TRIM49: variants seen among roughly 807,000 people sequenced by gnomAD.
The protein encoded by TRIM49 is tripartite motif containing 49.
In TRIM49, 5 loss-of-function variants were observed where a neutral mutation model predicts 27.4. The observed-to-expected ratio is 0.18, with a 90% confidence interval of 0.10 to 0.38. TRIM49 has a LOEUF of 0.38. Among genes scored for constraint, TRIM49 ranks in the 10% least tolerant of loss-of-function variants. The probability of loss-of-function intolerance (pLI) is 1.00; values close to 1 mark genes in which losing one functional copy is unlikely to be tolerated. For missense variants in TRIM49, 188 were observed against 487.5 expected (o/e 0.39, Z 5.79); for synonymous variants, 69 against 166.0 (o/e 0.42, Z 4.49).
chr11:89,806,637 T>C (rs374874501), intron 2 of TRIM49, among the ~76,000 whole-genome samples: 11,884 of 147,928 alleles, frequency 0.08, 494 homozygotes, highest in South Asian at 0.2. Context: ...GTAGGATATT[T>C]TGGGGAGCTT....
At chr11:89,783,947 G>A in the TRIM49 span, among the ~76,000 whole-genome samples, 1 of 143,828 alleles carries the variant, frequency 7.0e-6, no homozygotes, top group Non-Finnish European at 1.5e-5. Flanking sequence ...CCATGCAGCA[G>A]GAAAGCCGGG....
the TRIM49 span, chr11:89,768,795 T>C: frequency 3.8e-4 from 192 of 505,814 alleles, 16 homozygotes; most frequent in South Asian, 8.4e-4. Flanking sequence ...CCAGCTTGCA[T>C]TGATGGCCAT....
chr11:89,805,713 G>GGT (rs1565447802), intron 2 of TRIM49, among the ~76,000 whole-genome samples: 1 of 130,036 alleles, frequency 7.7e-6, no homozygotes. Context: ...GGTGTTTTTA[G>GGT]TTTTTTTTTG....
chr11:89,768,998 G>A, the TRIM49 span, among the ~76,000 whole-genome samples: 33 of 135,552 alleles, frequency 2.4e-4, 2 homozygotes, highest in African/African-American at 1.1e-3. Context: ...GGACAACATG[G>A]CAAATCCCCA....
chr11:89,783,688 A>C, the TRIM49 span, among the ~76,000 whole-genome samples: 1 of 145,994 alleles, frequency 6.8e-6, no homozygotes, highest in East Asian at 2.0e-4. Context: ...AAAGAACAAA[A>C]TTAGTTTACA....
At chr11:89,776,911 T>C in the TRIM49 span, 68 of 1,498,382 alleles carry the variant, frequency 4.5e-5, 1 homozygote, top group Admixed American at 9.6e-5. Flanking sequence ...GGCCTTTTTT[T>C]CCTTTTCATC....
At chr11:89,800,841 C>A (rs1450719690) in intron 6 of TRIM49, 125 bp downstream of exon 6, 16 of 588,042 alleles carry the variant, frequency 2.7e-5, no homozygotes, top group Non-Finnish European at 3.0e-5. Flanking sequence ...GGTGTGGGAA[C>A]GAAAGTAGAT....
At chr11:89,806,654 TG>T (rs1949791688) in intron 2 of TRIM49, among the ~76,000 whole-genome samples, 1 of 147,904 alleles carries the variant, frequency 6.8e-6, no homozygotes, top group African/African-American at 2.5e-5. Flanking sequence ...GCTTTCTCAT[TG>T]TTTTAGTTTC....
intron 6 of TRIM49, among the ~76,000 whole-genome samples, chr11:89,800,361 C>A (rs1415857255): frequency 6.6e-6 from 1 of 151,602 alleles, no homozygotes; most frequent in African/African-American, 2.4e-5. Context: ...AAAATACTTC[C>A]TCCTCTTCTC....
chr11:89,802,580 CACAT>C (rs199832331), intron 4 of TRIM49, among the ~76,000 whole-genome samples: 27,736 of 146,288 alleles, frequency 0.19, 1,824 homozygotes, highest in East Asian at 0.38. Context: ...CAAACACACA[CACAT>C]ACATACATAC....
chr11:89,766,722 C>G, the TRIM49 span: 1 of 1,534,072 alleles, frequency 6.5e-7, no homozygotes, highest in Non-Finnish European at 8.8e-7. Context: ...AAGAAACACA[C>G]CAACTCGGCC....
At chr11:89,774,392 T>A in the TRIM49 span, among the ~76,000 whole-genome samples, 1 of 151,024 alleles carries the variant, frequency 6.6e-6, no homozygotes, top group Non-Finnish European at 1.5e-5. Context: ...AGCCCTCAAG[T>A]CTGGTTTTCA....
At chr11:89,773,558 T>C in the TRIM49 span, among the ~76,000 whole-genome samples, 1 of 129,776 alleles carries the variant, frequency 7.7e-6, no homozygotes, top group Non-Finnish European at 1.6e-5. Flanking sequence ...TCCCAGTTAA[T>C]GTTTTATCTT....
the TRIM49 span, among the ~76,000 whole-genome samples, chr11:89,790,554 CT>C: frequency 6.6e-6 from 1 of 152,110 alleles, no homozygotes; most frequent in East Asian, 1.9e-4. Context: ...GACGAAGCTT[CT>C]AGAGGAACGA....
chr11:89,782,124 AT>A, the TRIM49 span: 1 of 1,551,246 alleles, frequency 6.4e-7, no homozygotes, highest in South Asian at 1.2e-5. Flanking sequence ...GCAGATACCA[AT>A]ATCGTTATTG....
the TRIM49 span, among the ~76,000 whole-genome samples, chr11:89,783,128 AT>A: frequency 1.4e-5 from 2 of 139,626 alleles, 1 homozygote; most frequent in East Asian, 4.5e-4. Context: ...TTGCTCTGCT[AT>A]TACATCTTCT....
At chr11:89,803,346 GT>G (rs1193449012) in intron 4 of TRIM49, among the ~76,000 whole-genome samples, 1 of 143,490 alleles carries the variant, frequency 7.0e-6, no homozygotes. Flanking sequence ...AGAAGTTTCA[GT>G]TGAGCATTCC....
rs1291125570 is a variant in TRIM49, at chr11:89,798,429, C to A, written c.1060G>T (p.Ala354Ser). 7 of 1,602,522 alleles carry A rather than the reference C, an allele frequency of 4.4e-6. No individual in the cohort carries two copies. Among genetic ancestry groups the A allele is most frequent in the African/African-American group, 1.4e-5 (1 of 69,438 alleles). ...EVHVGDSWNW[A>S]FGVCNMYRKE... ...CGATACATATTACAGACACCAAAAG[C>A]CCAATTCCAGGAGTCCCCTACATGG... The change falls in exon 8 of 8, where the codon GCT becomes TCT. Residue 354 changes from alanine to serine, a missense_variant. Ala to Ser is a moderately conservative substitution (Grantham distance 99). Transcript: ENST00000329758.
At position 89,802,405 on chromosome 11, in the gene TRIM49, T is replaced by G. The variant is rs1178674926; in HGVS notation, c.508-473A>C. Among the ~76,000 whole-genome samples, 1,090 of 148,096 alleles carry G rather than the reference T, an allele frequency of 7.4e-3. 11 individuals are homozygous for G. Among genetic ancestry groups the G allele is most frequent in the African/African-American group, 0.026 (998 of 38,164 alleles). On this transcript the variant is annotated intron_variant, in intron 4 of 7. Transcript: ENST00000329758. ...ATCCTAATAAGGCTGCATTTATGATTTGGCCATCTTTGTCTCCCTGAATTC... is the reference window on the plus strand; with the variant it reads ...ATCCTAATAAGGCTGCATTTATGATGTGGCCATCTTTGTCTCCCTGAATTC...
Sources: allele counts gnomAD v4.1 joint callset (sites outside exome capture counted in the v4.1 genomes callset), GRCh38; gene constraint gnomAD v4.1.1; transcripts MANE v1.5; gene names NCBI Gene and HGNC (gene_info 2026-07-23, HGNC 2026-07-21).